DLEC1: variants seen among roughly 807,000 people sequenced by gnomAD.
The protein encoded by DLEC1 is DLEC1 cilia and flagella associated protein.
DLEC1 carries 146 observed loss-of-function variants against 198.1 expected under a neutral mutation model. That is an observed-to-expected ratio of 0.74 (90% CI 0.64 to 0.85). DLEC1 has a LOEUF of 0.85. Ranked by LOEUF, DLEC1 falls within the 40% of genes least tolerant of loss-of-function variation. DLEC1 has a pLI of 0.00. For missense variants in DLEC1, 2,233 were observed against 2,220.0 expected, an observed-to-expected ratio of 1.01 and a Z score of -0.12; for synonymous variants, 897 against 866.8, an observed-to-expected ratio of 1.03 and a Z score of -0.61.
In DLEC1 at chr3:38,117,043, C is replaced by G; in HGVS notation, c.4248C>G (p.Ile1416Met). The change falls in exon 30 of 37, where the codon ATC (isoleucine) becomes ATG (methionine). Residue 1416 changes from isoleucine to methionine, a missense_variant. By Grantham distance (10) the Ile-to-Met change is conservative. Coordinates refer to ENST00000308059, the MANE Select transcript of DLEC1 (RefSeq NM_007335.4). ...CCCCTATGGTGCTCAGCCCTGAGAT[C>G]CTGCACAAGGTGGAGTGTACTGGCT... is the stretch of plus-strand genomic sequence containing the variant. Reference protein sequence around the residue: ...SFTPMVLSPEILHKVECTGYA... With the variant: ...SFTPMVLSPEMLHKVECTGYA... 1 of 1,614,106 alleles carries G rather than the reference C, an allele frequency of 6.2e-7. No individual in the cohort carries two copies. The highest frequency in any genetic ancestry group is 8.5e-7 in the Non-Finnish European group (1 of 1,179,988).
rs778268236 is a variant in DLEC1 at position 38,064,940 on chromosome 3, G to A, written c.1173+1021G>A. ...CTCCTCACTTCCTAGATGGGGTGGC[G>A]GCCGGGCAGAGGCTGCAAACTCAGC... On this transcript the variant is annotated intron_variant, in intron 6 of 36. Coordinates refer to ENST00000308059, the MANE Select transcript of DLEC1 (RefSeq NM_007335.4). 5.9e-5 allele frequency among the ~76,000 whole-genome samples: 9 copies of A among 152,294 alleles called. No homozygotes were observed. In the Middle Eastern group the frequency reaches 0.014, roughly 230 times the overall value.
In DLEC1 at chr3:38,108,480, T is replaced by C. The variant is rs1357241063; in HGVS notation, c.3094T>C (p.Cys1032Arg). ...KHGLLGPSEECQLKLELTAHT... is the reference protein window; with the variant it reads ...KHGLLGPSEERQLKLELTAHT... ...TGGCCTGCTGGGCCCAAGTGAGGAGTGCCAGCTCAAGTTGGAGTTGACTGC... is the reference window on the plus strand; with the variant it reads ...TGGCCTGCTGGGCCCAAGTGAGGAGCGCCAGCTCAAGTTGGAGTTGACTGC... Residue 1032 changes from cysteine (C) to arginine (R), a missense_variant, in exon 21 of 37, where the codon TGC (cysteine) becomes CGC (arginine). Physicochemically the swap from Cys to Arg is radical, Grantham distance 180. Transcript: ENST00000308059. The C allele has an allele frequency of 6.2e-7, 1 of 1,613,948 alleles. No homozygotes were observed. Among genetic ancestry groups the C allele is most frequent in the Non-Finnish European group, 8.5e-7 (1 of 1,179,996 alleles).
chr3:38,071,494 C>G (rs1208387194), intron 6 of DLEC1, among the ~76,000 whole-genome samples: 1 of 152,178 alleles, frequency 6.6e-6, no homozygotes, highest in Admixed American at 6.5e-5. Flanking sequence ...AGGTATTTTC[C>G]TTGGTCTAAG....
At position 38,122,426 on chromosome 3, in the gene DLEC1, C is replaced by T. The variant is rs372646945; in HGVS notation, c.*14C>T. ...CACCAGCCCTGAGGCTCCGCCCCAG[C>T]CCTCAGCCCCAGGCCCCAGCTGGAG... On this transcript the variant is annotated 3_prime_UTR_variant, in exon 37 of 37. Transcript: ENST00000308059. The T allele has an allele frequency of 1.8e-4, 298 of 1,614,148 alleles. No individual in the cohort carries two copies. Among genetic ancestry groups the T allele is most frequent in the South Asian group, 7.6e-4 (69 of 91,072 alleles).
In DLEC1 at chr3:38,059,555, A is replaced by G. The variant is rs116312306; in HGVS notation, c.563-187A>G. 3.5e-3 allele frequency among the ~76,000 whole-genome samples: 539 copies of G among 152,340 alleles called. 3 individuals carry two copies. The highest frequency in any genetic ancestry group is 0.012 in the African/African-American group (511 of 41,572). ...AAATAATACAACACAGCTTTGCCCA[A>G]TGGTTGGCCTCTTTTAAGTGGCTGA... On this transcript the variant is annotated intron_variant, in intron 2 of 36. Coordinates refer to ENST00000308059, the MANE Select transcript of DLEC1 (RefSeq NM_007335.4).
intron 21 of DLEC1, 49 bp from the exon 22 acceptor site, chr3:38,109,383 C>T (rs767446899): frequency 1.9e-6 from 3 of 1,609,362 alleles, no homozygotes; most frequent in Admixed American, 3.4e-5. Flanking sequence ...CTGGGCTCAT[C>T]TTCAGAGGCC....
In DLEC1 at chr3:38,059,832, C is replaced by A; in HGVS notation, c.653C>A (p.Pro218Gln). 6.2e-7 allele frequency: 1 copy of A among 1,614,072 alleles called. No homozygotes were observed. Among genetic ancestry groups the A allele is most frequent in the Non-Finnish European group, 8.5e-7 (1 of 1,179,988 alleles). The change falls in exon 3 of 37, where the codon CCG (proline) becomes CAG (glutamine). Residue 218 changes from proline (P) to glutamine (Q), a missense_variant. Physicochemically the swap from Pro to Gln is moderately conservative, Grantham distance 76. Transcript: ENST00000308059. ...GAAGATTACTACACCGATACAGTGCCGTTTCACTCTGCACCTAAAGGTAAT... is the reference window on the plus strand; with the variant it reads ...GAAGATTACTACACCGATACAGTGCAGTTTCACTCTGCACCTAAAGGTAAT... ...SPEDYYTDTV[P>Q]FHSAPKGISL...
intron 6 of DLEC1, among the ~76,000 whole-genome samples, chr3:38,070,821 G>C (rs899618961): frequency 6.6e-6 from 1 of 152,156 alleles, no homozygotes; most frequent in African/African-American, 2.4e-5. Flanking sequence ...CAGTTAAGGC[G>C]GGGCAGGGCA....
intron 6 of DLEC1, among the ~76,000 whole-genome samples, chr3:38,073,560 G>T (rs1559417657): frequency 6.6e-6 from 1 of 152,266 alleles, no homozygotes; most frequent in East Asian, 1.9e-4. Flanking sequence ...TTTGGGTTGG[G>T]GAGAAGAGCG....
chr3:38,075,011 G>A (rs1697529849), intron 6 of DLEC1, among the ~76,000 whole-genome samples: 1 of 152,130 alleles, frequency 6.6e-6, no homozygotes, highest in Non-Finnish European at 1.5e-5. Context: ...CCGGGTGTGA[G>A]GAGGGGAGGT....
At chr3:38,114,931 G>A in intron 26 of DLEC1, 52 bp from the exon 27 acceptor site, 1 of 1,550,522 alleles carries the variant, frequency 6.4e-7, no homozygotes, top group Non-Finnish European at 8.8e-7. Context: ...CTCCCTACCT[G>A]CAAGGTGTAC....
At chr3:38,082,499 A>G (rs1324325640) in intron 6 of DLEC1, among the ~76,000 whole-genome samples, 1 of 152,010 alleles carries the variant, frequency 6.6e-6, no homozygotes, top group Non-Finnish European at 1.5e-5. Context: ...GGTGTTCTTA[A>G]CCCTCCAGAA....
In DLEC1 at chr3:38,114,349, A is replaced by G; in HGVS notation, c.3674A>G (p.Asp1225Gly). ...GCTGGGGTGTGTTTGCAGGTGGGAG[A>G]CCTGCTGCCGGAAGTCATCCCAGTG... is the stretch of plus-strand genomic sequence containing the variant. ...YWDNLICTVG[D>G]LLPEVIPVHM... Residue 1225 changes from aspartate (D) to glycine (G), a missense_variant, in exon 26 of 37, where the codon GAC becomes GGC. Physicochemically the swap from Asp to Gly is moderately conservative, Grantham distance 94. Coordinates refer to ENST00000308059, the MANE Select transcript of DLEC1 (RefSeq NM_007335.4). The G allele has an allele frequency of 6.2e-7, 1 of 1,613,950 alleles. No homozygotes were observed.
chr3:38,116,915 T>C, intron 29 of DLEC1, 26 bp downstream of exon 29: 1 of 1,612,160 alleles, frequency 6.2e-7, no homozygotes, highest in South Asian at 1.1e-5. Flanking sequence ...GGCTGGGAGC[T>C]GTCTGCATTG....
chr3:38,094,899 A>G lies in DLEC1; in HGVS notation c.1940A>G (p.Tyr647Cys). Residue 647 changes from tyrosine (Y) to cysteine (C), a missense_variant, in exon 13 of 37, where the codon TAC (tyrosine) becomes TGC (cysteine). Physicochemically the swap from Tyr to Cys is radical, Grantham distance 194. Coordinates refer to ENST00000308059, the MANE Select transcript of DLEC1 (RefSeq NM_007335.4). ...RNATHVELAFYWQIMKPNLQP... is the reference protein window; with the variant it reads ...RNATHVELAFCWQIMKPNLQP... ...CACAGGCACGTGGAGCTGGCCTTCT[A>G]CTGGCAGATCATGAAGCCCAACCTG... The G allele has an allele frequency of 3.1e-6, 5 of 1,614,068 alleles. No homozygotes were observed. The highest frequency in any genetic ancestry group is 4.5e-5 in the East Asian group (2 of 44,870).
At chr3:38,087,181 C>T (rs1372958513) in intron 9 of DLEC1, among the ~76,000 whole-genome samples, 1 of 152,192 alleles carries the variant, frequency 6.6e-6, no homozygotes, top group Non-Finnish European at 1.5e-5. Context: ...AGCCTGTTGG[C>T]CAGGGCTGGG....
chr3:38,118,767 T>G (rs1700313552), intron 33 of DLEC1, among the ~76,000 whole-genome samples: 1 of 152,162 alleles, frequency 6.6e-6, no homozygotes. Context: ...CTGTGCTCCC[T>G]TGAGCTCTGC....
chr3:38,097,108 TAC>T (rs1372375457), intron 15 of DLEC1, 72 bp from the exon 16 acceptor site: 16 of 1,370,596 alleles, frequency 1.2e-5, no homozygotes, highest in Non-Finnish European at 1.0e-6. Flanking sequence ...CCCACAATCC[TAC>T]AGTCCTTCAG....
intron 7 of DLEC1, among the ~76,000 whole-genome samples, 197 bp downstream of exon 7, chr3:38,084,442 T>G (rs1698276400): frequency 6.7e-6 from 1 of 150,178 alleles, no homozygotes; most frequent in African/African-American, 2.5e-5. Context: ...GTAGTGGTGG[T>G]GGTGGTGGTG....
Sources: allele counts gnomAD v4.1 joint callset (sites outside exome capture counted in the v4.1 genomes callset), GRCh38; gene constraint gnomAD v4.1.1; transcripts MANE v1.5; gene names NCBI Gene and HGNC (gene_info 2026-07-23, HGNC 2026-07-21).